MARCKS: variants seen among roughly 807,000 people sequenced by gnomAD.
MARCKS encodes the protein myristoylated alanine-rich C-kinase substrate.
In MARCKS, 4 loss-of-function variants were observed where a neutral mutation model predicts 6.3. The observed-to-expected ratio is 0.63, with a 90% confidence interval of 0.31 to 1.45. The LOEUF is 1.45. Ranked by LOEUF, MARCKS falls within the 40% of genes most tolerant of loss-of-function variation. The pLI, the probability that MARCKS is intolerant of heterozygous loss-of-function variation, is 0.07. For synonymous variants in MARCKS, 289 were observed against 236.5 expected (o/e 1.22, Z -2.04); for missense variants, 636 against 485.7 (o/e 1.31, Z -2.91).
chr6:113,857,697 T>G lies in MARCKS; in HGVS notation c.-49T>G. On this transcript the variant is annotated 5_prime_UTR_variant, in exon 1 of 2. Transcript: ENST00000612661. ...CCGTCGTTACACCAACCCGAGGCTC[T>G]TTGTTTCCCCTCTTGGATCTGTTGA... 1.4e-6 allele frequency: 2 copies of G among 1,380,398 alleles called. No individual in the cohort carries two copies. The highest frequency in any genetic ancestry group is 2.0e-6 in the Non-Finnish European group (2 of 1,020,512). 85.5% of individuals were successfully genotyped at this position (1,380,398 alleles called of 1,614,324 possible). A position where few individuals can be genotyped will look rare whatever the true frequency, so the allele number is the denominator to read the frequency against.
At chr6:113,859,170 C>A (rs992753808) in intron 1 of MARCKS, among the ~76,000 whole-genome samples, 1 of 152,214 alleles carries the variant, frequency 6.6e-6, no homozygotes, top group Non-Finnish European at 1.5e-5. Flanking sequence ...CGCGGGCGCT[C>A]CTGGCTCGAG....
rs1774908612 is a variant in MARCKS, at chr6:113,862,124, T to C, written c.*1545T>C. ...GGGTGTGAACCTAAGACTATTTAAATGTCTTATGAGAAAATTTCATAAAGC... is the reference window on the plus strand; with the variant it reads ...GGGTGTGAACCTAAGACTATTTAAACGTCTTATGAGAAAATTTCATAAAGC... On this transcript the variant is annotated 3_prime_UTR_variant, in exon 2 of 2. Transcript: ENST00000612661. The C allele has an allele frequency of 6.6e-6, 1 of 152,176 alleles. No individual in the cohort carries two copies. The highest frequency in any genetic ancestry group is 1.5e-5 in the Non-Finnish European group (1 of 67,994). 9.4% of individuals were successfully genotyped at this position (152,176 alleles called of 1,614,324 possible). A position where few individuals can be genotyped will look rare whatever the true frequency, so the allele number is the denominator to read the frequency against.
chr6:113,858,393 CCAGA>C (rs45471496), intron 1 of MARCKS, among the ~76,000 whole-genome samples: 2,983 of 152,210 alleles, frequency 0.02, 90 homozygotes, highest in African/African-American at 0.069. Context: ...CTGGCTGGGG[CCAGA>C]CAGAGGGCTT....
rs1238681826 is a variant in MARCKS, at chr6:113,861,583, C to T, written c.*1004C>T. On this transcript the variant is annotated 3_prime_UTR_variant, in exon 2 of 2. Transcript: ENST00000612661. ...TTACAGCAGATAATGCTTTCTTTTC[C>T]AGTCGTCTTTGAGAATAAAGGAAAA... The T allele has an allele frequency of 6.6e-6, 1 of 150,404 alleles. No individual in the cohort carries two copies. Among genetic ancestry groups the T allele is most frequent in the Non-Finnish European group, 1.5e-5 (1 of 67,580 alleles). The allele number at this position is 150,404 out of a possible 1,614,324, so 9.3% of individuals were successfully genotyped here.
At position 113,860,467 on chromosome 6, in the gene MARCKS, C is replaced by T. The variant is rs756479458; in HGVS notation, c.887C>T (p.Ala296Val). The change falls in exon 2 of 2, where the codon GCC becomes GTC. Residue 296 changes from alanine (A) to valine (V), a missense_variant. Physicochemically the swap from Ala to Val is moderately conservative, Grantham distance 64 (BLOSUM62 0). Coordinates refer to ENST00000612661, the MANE Select transcript of MARCKS (RefSeq NM_002356.7). ...GGCGCGCCCCCGGAGCAGGAGGCAGCCCCCGCGGAGGAGCCCGCGGCCGCC... is the reference window on the plus strand; with the variant it reads ...GGCGCGCCCCCGGAGCAGGAGGCAGTCCCCGCGGAGGAGCCCGCGGCCGCC... The part of the protein sequence containing the change: ...GPGAPPEQEA[A>V]PAEEPAAAAA... The T allele has an allele frequency of 2.1e-6, 3 of 1,409,800 alleles. No homozygotes were observed. Among genetic ancestry groups the T allele is most frequent in the South Asian group, 1.5e-5 (1 of 68,232 alleles). The allele number at this position is 1,409,800 out of a possible 1,614,324, so 87.3% of individuals were successfully genotyped here.
chr6:113,859,904 C>A lies in MARCKS; in HGVS notation c.324C>A (p.Pro108=), dbSNP rs1327252459. The A allele has an allele frequency of 2.1e-6, 3 of 1,447,062 alleles. No homozygotes were observed. Among genetic ancestry groups the A allele is most frequent in the African/African-American group, 1.5e-5 (1 of 66,852 alleles). 89.6% of individuals were successfully genotyped at this position (1,447,062 alleles called of 1,614,324 possible). A position where few individuals can be genotyped will look rare whatever the true frequency, so the allele number is the denominator to read the frequency against. The change falls in exon 2 of 2, where the codon CCC becomes CCA. Residue 108 remains proline (P), a synonymous_variant. Coordinates refer to ENST00000612661, the MANE Select transcript of MARCKS (RefSeq NM_002356.7). The stretch of plus-strand genomic sequence containing the variant: ...CCAGCCCGGTAGAGAAGGAGGCCCC[C>A]GCGGAAGGCGAGGCTGCCGAGCCCG... The part of the protein sequence containing the change: ...AGASPVEKEA[P]AEGEAAEPGS...
Position 113,860,618 on chromosome 6 carries a change from C to T in MARCKS, c.*39C>T. On this transcript the variant is annotated 3_prime_UTR_variant, in exon 2 of 2. Coordinates refer to ENST00000612661, the MANE Select transcript of MARCKS (RefSeq NM_002356.7). The stretch of plus-strand genomic sequence containing the variant: ...TGTGAGATAATCGAAGAACTTTTCT[C>T]CCCCGTTTGTTTGTTGGAGTGGTGC... The T allele has an allele frequency of 2.7e-6, 4 of 1,463,010 alleles. No homozygotes were observed. The highest frequency in any genetic ancestry group is 3.6e-6 in the Non-Finnish European group (4 of 1,102,878). The allele number at this position is 1,463,010 out of a possible 1,614,324, so 90.6% of individuals were successfully genotyped here.
chr6:113,858,303 T>G, intron 1 of MARCKS, among the ~76,000 whole-genome samples: 1 of 149,832 alleles, frequency 6.7e-6, no homozygotes, highest in African/African-American at 2.5e-5. Context: ...GCAATGGGGA[T>G]GGTGGTGGAG....
Position 113,860,550 on chromosome 6 carries a change from GAAGCCCCCCCA to G in MARCKS, c.971_981del (p.Glu324GlyfsTer14). Reference sequence around the variant, plus strand: ...GGAGGCCCAGCCCGAGTGCAGTCCAGAAGCCCCCCCAGCGGAGGCGGCAGAGTAAAAGAGCA... The same window carrying G: ...GGAGGCCCAGCCCGAGTGCAGTCCAGGCGGAGGCGGCAGAGTAAAAGAGCA... On this transcript the variant is annotated frameshift_variant, in exon 2 of 2. Transcript: ENST00000612661. LOFTEE classifies it high-confidence loss of function. The G allele has an allele frequency of 6.4e-7, 1 of 1,560,344 alleles. No homozygotes were observed. Among genetic ancestry groups the G allele is most frequent in the Non-Finnish European group, 8.6e-7 (1 of 1,157,730 alleles).
chr6:113,860,450 C>T lies in MARCKS; in HGVS notation c.870C>T (p.Pro290=), dbSNP rs755046254. 8.1e-5 allele frequency: 103 copies of T among 1,277,940 alleles called. No individual in the cohort carries two copies. The highest frequency in any genetic ancestry group is 1.0e-4 in the Non-Finnish European group (100 of 999,092). The allele number at this position is 1,277,940 out of a possible 1,614,324, so 79.2% of individuals were successfully genotyped here. The change falls in exon 2 of 2, where the codon CCC becomes CCT. Residue 290 remains proline, a synonymous_variant. Coordinates refer to ENST00000612661, the MANE Select transcript of MARCKS (RefSeq NM_002356.7). ...EAPSAAGPGA[P]PEQEAAPAEE... is the part of the protein sequence containing the mutation. ...CCTCCGCCGCCGGGCCCGGCGCGCC[C>T]CCGGAGCAGGAGGCAGCCCCCGCGG...
Position 113,859,860 on chromosome 6 carries a change from G to T in MARCKS, c.280G>T (p.Ala94Ser). The change falls in exon 2 of 2, where the codon GCT becomes TCT. Residue 94 changes from alanine to serine, a missense_variant. Physicochemically the swap from Ala to Ser is moderately conservative, Grantham distance 99. Coordinates refer to ENST00000612661, the MANE Select transcript of MARCKS (RefSeq NM_002356.7). ...CGAGAAAGGTGAGCCGGCCGCCGCC[G>T]CTGCCCCCGAGGCCGGGGCCAGCCC... ...AAEKGEPAAA[A>S]APEAGASPVE... is the part of the protein sequence containing the mutation. 1 of 1,319,510 alleles carries T rather than the reference G, an allele frequency of 7.6e-7. No individual in the cohort carries two copies. The highest frequency in any genetic ancestry group is 9.6e-7 in the Non-Finnish European group (1 of 1,036,546). The allele number at this position is 1,319,510 out of a possible 1,614,324, so 81.7% of individuals were successfully genotyped here.
chr6:113,860,165 G>GGCCGCCGGGGGCGCAGCTGCGGCC lies in MARCKS; in HGVS notation c.593_616dup (p.Gly198_Ala205dup), dbSNP rs1359936054. ...CCGCTGCCGAAGGCGGCAAGGACGA[G>GGCCGCCGGGGGCGCAGCTGCGGCC]GCCGCCGGGGGCGCAGCTGCGGCCG... is the stretch of plus-strand genomic sequence containing the variant. On this transcript the variant is annotated inframe_insertion, in exon 2 of 2. Coordinates refer to ENST00000612661, the MANE Select transcript of MARCKS (RefSeq NM_002356.7). The GGCCGCCGGGGGCGCAGCTGCGGCC allele has an allele frequency of 1.9e-5, 25 of 1,335,992 alleles. No individual in the cohort carries two copies. Among genetic ancestry groups the GGCCGCCGGGGGCGCAGCTGCGGCC allele is most frequent in the Middle Eastern group, 2.8e-4 (1 of 3,536 alleles). 82.8% of individuals were successfully genotyped at this position (1,335,992 alleles called of 1,614,324 possible). A position where few individuals can be genotyped will look rare whatever the true frequency, so the allele number is the denominator to read the frequency against.
chr6:113,860,307 G>C lies in MARCKS; in HGVS notation c.727G>C (p.Ala243Pro), dbSNP rs1454182953. The change falls in exon 2 of 2, where the codon GCT becomes CCT. Residue 243 changes from alanine to proline, a missense_variant. By Grantham distance (27) the Ala-to-Pro change is conservative. Coordinates refer to ENST00000612661, the MANE Select transcript of MARCKS (RefSeq NM_002356.7). ...GCAGGAGGCCAAGCCCCAGGAGGCCGCTGTCGCGCCAGAGAAGCCGCCCGC... is the reference window on the plus strand; with the variant it reads ...GCAGGAGGCCAAGCCCCAGGAGGCCCCTGTCGCGCCAGAGAAGCCGCCCGC... ...DPQEAKPQEA[A>P]VAPEKPPASD... 7.0e-6 allele frequency: 9 copies of C among 1,288,332 alleles called. No homozygotes were observed. The African/African-American group carries it at 1.3e-4, about 19-fold the overall frequency. The allele number at this position is 1,288,332 out of a possible 1,614,324, so 79.8% of individuals were successfully genotyped here.
rs757528973 is a variant in MARCKS, at chr6:113,860,011, C to T, written c.431C>T (p.Pro144Leu). ...CCCAAGGCCGAGGACGGGGCCACGC[C>T]CTCGCCCAGCAACGAGACCCCGAAA... is the stretch of plus-strand genomic sequence containing the variant. ...SSPKAEDGAT[P>L]SPSNETPKKK... The change falls in exon 2 of 2, where the codon CCC becomes CTC. Residue 144 changes from proline to leucine, a missense_variant. Transcript: ENST00000612661. The T allele has an allele frequency of 6.4e-7, 1 of 1,568,048 alleles. No individual in the cohort carries two copies. Among genetic ancestry groups the T allele is most frequent in the South Asian group, 1.1e-5 (1 of 88,880 alleles).
Position 113,860,080 on chromosome 6 carries a change from G to A in MARCKS, c.500G>A (p.Ser167Asn), listed in dbSNP as rs768898782. 2 of 1,574,802 alleles carry A rather than the reference G, an allele frequency of 1.3e-6. No individual in the cohort carries two copies. The highest frequency in any genetic ancestry group is 1.8e-5 in the Admixed American group (1 of 56,456). ...RFSFKKSFKLSGFSFKKNKKE... is the reference protein window; with the variant it reads ...RFSFKKSFKLNGFSFKKNKKE... ...TCCTTCAAGAAGTCTTTCAAGCTGA[G>A]CGGCTTCTCCTTCAAGAAGAACAAG... is the stretch of plus-strand genomic sequence containing the variant. Residue 167 changes from serine to asparagine, a missense_variant, in exon 2 of 2, where the codon AGC (serine) becomes AAC (asparagine). Physicochemically the swap from Ser to Asn is conservative, Grantham distance 46 (BLOSUM62 1). Coordinates refer to ENST00000612661, the MANE Select transcript of MARCKS (RefSeq NM_002356.7).
At position 113,859,670 on chromosome 6, in the gene MARCKS, C is replaced by T. The variant is rs1322965387; in HGVS notation, c.103-13C>T. 4 of 1,480,298 alleles carry T rather than the reference C, an allele frequency of 2.7e-6. No individual in the cohort carries two copies. The highest frequency in any genetic ancestry group is 2.6e-5 in the South Asian group (2 of 77,960). 91.7% of individuals were successfully genotyped at this position (1,480,298 alleles called of 1,614,324 possible). The stretch of plus-strand genomic sequence containing the variant: ...GCCGCTTCAGTGACGCTCCCGCTTT[C>T]TCTGCCCCTTAGGAGAATGGCCACG... On this transcript the variant is annotated splice_polypyrimidine_tract_variant and intron_variant, in intron 1 of 1. Transcript: ENST00000612661.
chr6:113,860,399 G>GGCCAGCGCCGCC lies in MARCKS; in HGVS notation c.823_834dup (p.Ser275_Ala278dup). ...AGGAGAAAAAGGCCGAGGAGGCCGGGGCCAGCGCCGCCGCCTGCGAGGCCC... is the reference window on the plus strand; with the variant it reads ...AGGAGAAAAAGGCCGAGGAGGCCGGGGCCAGCGCCGCCGCCAGCGCCGCCGCCTGCGAGGCCC... On this transcript the variant is annotated inframe_insertion, in exon 2 of 2. Transcript: ENST00000612661. 8.2e-7 allele frequency: 1 copy of GGCCAGCGCCGCC among 1,214,996 alleles called. No homozygotes were observed. Among genetic ancestry groups the GGCCAGCGCCGCC allele is most frequent in the Non-Finnish European group, 1.0e-6 (1 of 955,334 alleles). The allele number at this position is 1,214,996 out of a possible 1,614,324, so 75.3% of individuals were successfully genotyped here.
In MARCKS at chr6:113,857,844, A is replaced by G; in HGVS notation, c.99A>G (p.Gly33=). The G allele has an allele frequency of 6.3e-7, 1 of 1,596,608 alleles. No homozygotes were observed. Among genetic ancestry groups the G allele is most frequent in the South Asian group, 1.1e-5 (1 of 88,424 alleles). ...AVASSPSKAN[G]QENGHVKVNG... is the part of the protein sequence containing the mutation. ...CCTCGTCGCCTTCCAAAGCGAACGG[A>G]CAGGTAAATTCTACCTGTGGTTGTG... Residue 33 remains glycine (G), a synonymous_variant, in exon 1 of 2, where the codon GGA becomes GGG. Transcript: ENST00000612661.
chr6:113,861,559 T>G lies in MARCKS; in HGVS notation c.*980T>G, dbSNP rs1774901803. On this transcript the variant is annotated 3_prime_UTR_variant, in exon 2 of 2. Coordinates refer to ENST00000612661, the MANE Select transcript of MARCKS (RefSeq NM_002356.7). ...GTTTATACTGTGGTATGTTTTTGAT[T>G]ACAGCAGATAATGCTTTCTTTTCCA... The G allele has an allele frequency of 6.6e-6, 1 of 152,544 alleles. No homozygotes were observed. 9.4% of individuals were successfully genotyped at this position (152,544 alleles called of 1,614,324 possible).
Sources: allele counts gnomAD v4.1 joint callset (sites outside exome capture counted in the v4.1 genomes callset), GRCh38; gene constraint gnomAD v4.1.1; transcripts MANE v1.5; gene names NCBI Gene and HGNC (gene_info 2026-07-23, HGNC 2026-07-21).